LY86: variants seen among roughly 807,000 people sequenced by gnomAD.
LY86 encodes lymphocyte antigen 86.
In LY86, 20 loss-of-function variants were observed where a neutral mutation model predicts 17.3. The observed-to-expected ratio is 1.15, with a 90% CI of 0.81 to 1.68. The LOEUF is 1.68. Among genes scored for constraint, LY86 ranks in the 40% most tolerant of loss-of-function variants. The pLI is 0.00. For missense variants in LY86, 200 were observed against 191.9 expected, an observed-to-expected ratio of 1.04 and a Z score of -0.25; for synonymous variants, 74 against 70.6, an observed-to-expected ratio of 1.05 and a Z score of -0.24.
chr6:6,590,629 T>G (rs1760494779), intron 1 of LY86, among the ~76,000 whole-genome samples: 1 of 152,158 alleles, frequency 6.6e-6, no homozygotes, highest in Non-Finnish European at 1.5e-5. Context: ...CAGGATCACA[T>G]CTGCTGTTAG....
At chr6:6,621,655 GCACC>G (rs1393423945) in intron 1 of LY86, among the ~76,000 whole-genome samples, 2 of 152,196 alleles carry the variant, frequency 1.3e-5, no homozygotes, top group Non-Finnish European at 2.9e-5. Context: ...GTGCAGAACA[GCACC>G]CACCACAAAG....
At chr6:6,635,459 C>T (rs561418488) in intron 3 of LY86, among the ~76,000 whole-genome samples, 1 of 152,272 alleles carries the variant, frequency 6.6e-6, no homozygotes, top group African/African-American at 2.4e-5. Flanking sequence ...CCCTTTCTCT[C>T]TCTCTCTCAA....
chr6:6,608,079 T>C (rs995538659), intron 1 of LY86, among the ~76,000 whole-genome samples: 7 of 152,184 alleles, frequency 4.6e-5, no homozygotes, highest in African/African-American at 1.4e-4. Context: ...TGGTGAAACA[T>C]TGGAAACGTT....
At chr6:6,606,605 T>G (rs1265256806) in intron 1 of LY86, among the ~76,000 whole-genome samples, 1 of 152,180 alleles carries the variant, frequency 6.6e-6, no homozygotes, top group Non-Finnish European at 1.5e-5. Context: ...TGCAGGTCCC[T>G]AGCCCTGCCA....
intron 1 of LY86, among the ~76,000 whole-genome samples, chr6:6,593,559 T>C (rs1027852063): frequency 2.0e-5 from 3 of 152,256 alleles, no homozygotes; most frequent in Non-Finnish European, 4.4e-5. Context: ...TGAAAGGTGC[T>C]TAGCACATAC....
chr6:6,601,864 T>C (rs1234850260), intron 1 of LY86, among the ~76,000 whole-genome samples: 1 of 152,220 alleles, frequency 6.6e-6, no homozygotes, highest in Non-Finnish European at 1.5e-5. Flanking sequence ...TTTCCTCATT[T>C]TTCAAAAGAA....
intron 3 of LY86, among the ~76,000 whole-genome samples, chr6:6,641,445 G>A (rs548804086): frequency 9.2e-5 from 14 of 152,178 alleles, no homozygotes; most frequent in African/African-American, 2.7e-4. Context: ...AGGCTTCCTC[G>A]CATACCCTCT....
chr6:6,619,258 G>A (rs771390931), intron 1 of LY86, among the ~76,000 whole-genome samples: 1 of 152,172 alleles, frequency 6.6e-6, no homozygotes, highest in East Asian at 1.9e-4. Flanking sequence ...CAAAAGCAAG[G>A]TCTGTTTGTT....
intron 1 of LY86, among the ~76,000 whole-genome samples, chr6:6,606,897 C>T (rs543560342): frequency 5.3e-5 from 8 of 152,270 alleles, no homozygotes; most frequent in Non-Finnish European, 1.2e-4. Context: ...GGCTGAAGGG[C>T]ACCTCAAGCG....
intron 1 of LY86, among the ~76,000 whole-genome samples, chr6:6,606,052 T>C (rs543410877): frequency 7.9e-4 from 120 of 152,368 alleles, no homozygotes; most frequent in African/African-American, 2.5e-3. Context: ...AGCAGGTTAC[T>C]GCTGCTAGCG....
At chr6:6,612,276 G>A (rs1012150096) in intron 1 of LY86, among the ~76,000 whole-genome samples, 2 of 152,216 alleles carry the variant, frequency 1.3e-5, no homozygotes, top group East Asian at 1.9e-4. Flanking sequence ...TGTGTTCTGA[G>A]TTTCTTTCTC....
intron 1 of LY86, among the ~76,000 whole-genome samples, chr6:6,607,179 C>T (rs75503114): frequency 0.056 from 8,489 of 152,270 alleles, 538 homozygotes; most frequent in African/African-American, 0.16. Context: ...TGGTCTTTTT[C>T]AGGGAGGAGA....
chr6:6,613,225 C>G (rs1242457033), intron 1 of LY86, among the ~76,000 whole-genome samples: 2 of 144,946 alleles, frequency 1.4e-5, no homozygotes, highest in African/African-American at 2.6e-5. Context: ...CCAGTGGATC[C>G]GGCACTAGGG....
At position 6,599,488 on chromosome 6, in the gene LY86, CTG is replaced by C. The variant is rs568454601; in HGVS notation, c.136+10619_136+10620del. Among the ~76,000 whole-genome samples, 19 of 152,342 alleles carry C rather than the reference CTG, an allele frequency of 1.2e-4. No individual in the cohort carries two copies. The East Asian group carries it at 3.7e-3, about 29-fold the overall frequency. ...GCATGCCCCAGTGTGGGGTGAGACA[CTG>C]GAGTGGTTCCTGAATGTCAGCTTGA... On this transcript the variant is annotated intron_variant, in intron 1 of 4. Coordinates refer to ENST00000230568, the MANE Select transcript of LY86 (RefSeq NM_004271.4).
chr6:6,640,879 G>A (rs1054336162), intron 3 of LY86, among the ~76,000 whole-genome samples: 1 of 152,168 alleles, frequency 6.6e-6, no homozygotes, highest in South Asian at 2.1e-4. Flanking sequence ...ATGTTTTCAA[G>A]TTGTAAATAA....
At chr6:6,648,199 C>G (rs1407352208) in intron 3 of LY86, among the ~76,000 whole-genome samples, 1 of 152,140 alleles carries the variant, frequency 6.6e-6, no homozygotes, top group Non-Finnish European at 1.5e-5. Flanking sequence ...CATCATTTAC[C>G]TTGGCCACAG....
chr6:6,635,773 G>A (rs1022324308), intron 3 of LY86, among the ~76,000 whole-genome samples: 1 of 152,146 alleles, frequency 6.6e-6, no homozygotes, highest in Non-Finnish European at 1.5e-5. Flanking sequence ...ATGTGCCTTG[G>A]CTCCTCTTCT....
At chr6:6,600,055 C>CA (rs1760850155) in intron 1 of LY86, among the ~76,000 whole-genome samples, 1 of 152,180 alleles carries the variant, frequency 6.6e-6, no homozygotes, top group Non-Finnish European at 1.5e-5. Context: ...CAAGAGCCTA[C>CA]AAATAAGGGC....
intron 1 of LY86, among the ~76,000 whole-genome samples, chr6:6,594,678 C>A (rs1455890520): frequency 6.6e-6 from 1 of 152,142 alleles, no homozygotes; most frequent in Non-Finnish European, 1.5e-5. Context: ...GTAAACCCAC[C>A]ATGATTGCAA....
Sources: gnomAD v4.1 joint callset for allele counts (sites outside exome capture counted in the v4.1 genomes callset) on GRCh38, gnomAD v4.1.1 for gene constraint, MANE v1.5 for transcripts, NCBI Gene and HGNC (gene_info 2026-07-23, HGNC 2026-07-21) for gene names.